Variants in MAN1A2 observed in about 807,000 individuals in gnomAD.
MAN1A2 encodes the protein mannosyl-oligosaccharide 1,2-alpha-mannosidase IB.
In MAN1A2, 26 loss-of-function variants were observed where a neutral mutation model predicts 75.7. The ratio of observed to expected loss-of-function variants is 0.34; its 90% CI spans 0.25 to 0.48. The LOEUF (loss-of-function observed/expected upper bound fraction) is 0.48. MAN1A2 is among the 20% of genes least tolerant of loss of function. MAN1A2 has a pLI of 0.99. For synonymous variants in MAN1A2, 247 were observed against 264.6 expected, an observed-to-expected ratio of 0.93 and a Z score of 0.65; for missense variants, 562 against 775.5, an observed-to-expected ratio of 0.72 and a Z score of 3.27.
chr1:117,403,547 A>T (rs1647511607), intron 2 of MAN1A2, among the ~76,000 whole-genome samples: 1 of 152,156 alleles, frequency 6.6e-6, no homozygotes, highest in South Asian at 2.1e-4. Flanking sequence ...CCCCCAGATG[A>T]TCCTCAGGTT....
chr1:117,471,118 C>G (rs1650140414), intron 8 of MAN1A2, among the ~76,000 whole-genome samples: 1 of 151,432 alleles, frequency 6.6e-6, no homozygotes, highest in Admixed American at 6.6e-5. Flanking sequence ...TATAGGAAAT[C>G]AGTCATTACT....
intron 1 of MAN1A2, among the ~76,000 whole-genome samples, chr1:117,398,388 A>C (rs1220526467): frequency 6.6e-6 from 1 of 152,094 alleles, no homozygotes; most frequent in Non-Finnish European, 1.5e-5. Flanking sequence ...AACTGAAAGA[A>C]GGTGGCTGGG....
rs1652043390 is a variant in MAN1A2, at chr1:117,526,888, A to ATATATATATATATATG, written c.*3946_*3947insGTATATATATATATAT. 8.7e-6 allele frequency: 1 copy of ATATATATATATATATG among 115,532 alleles called. No homozygotes were observed. Among genetic ancestry groups the ATATATATATATATATG allele is most frequent in the Admixed American group, 8.9e-5 (1 of 11,228 alleles). 7.2% of individuals were successfully genotyped at this position (115,532 alleles called of 1,614,324 possible). A position where few individuals can be genotyped will look rare whatever the true frequency, so the allele number is the denominator to read the frequency against. On this transcript the variant is annotated 3_prime_UTR_variant, in exon 13 of 13. Transcript: ENST00000356554. ...TCTCTCTCTCTCTCTCTCTATATATATATATATATATATATATATATGAGA... is the reference window on the plus strand; with the variant it reads ...TCTCTCTCTCTCTCTCTCTATATATATATATATATATATATGTATATATATATATATATATATGAGA...
chr1:117,506,567 A>G (rs1651379372), intron 12 of MAN1A2, among the ~76,000 whole-genome samples: 2 of 151,694 alleles, frequency 1.3e-5, no homozygotes, highest in African/African-American at 4.8e-5. Flanking sequence ...CAAAGGTTCT[A>G]AAACTCTTAT....
chr1:117,518,385 A>T (rs756020306), intron 12 of MAN1A2, among the ~76,000 whole-genome samples: 19 of 152,078 alleles, frequency 1.2e-4, no homozygotes, highest in Non-Finnish European at 2.4e-4. Context: ...ACAGAAAGGG[A>T]TGTAGTATAT....
At chr1:117,496,490 A>G (rs1260359122) in intron 9 of MAN1A2, among the ~76,000 whole-genome samples, 2 of 152,002 alleles carry the variant, frequency 1.3e-5, no homozygotes, top group Non-Finnish European at 2.9e-5. Context: ...GAAGTAAGGG[A>G]CTAAAGATAA....
In MAN1A2 at chr1:117,396,033, G is replaced by T. The variant is rs565341813; in HGVS notation, c.303-6153G>T. 1.8e-4 allele frequency among the ~76,000 whole-genome samples: 28 copies of T among 152,310 alleles called. No homozygotes were observed. In the South Asian group the frequency reaches 5.6e-3, roughly 30 times the overall value. On this transcript the variant is annotated intron_variant, in intron 1 of 12. Transcript: ENST00000356554. ...CCAATGTGTGACAGTATGCATGATT[G>T]CCAACCTGGTAACCTCATCCAAGCT...
At chr1:117,514,856 CCTA>C in intron 12 of MAN1A2, 1 of 532,864 alleles carries the variant, frequency 1.9e-6, no homozygotes, top group Non-Finnish European at 3.9e-6. Context: ...AAGTTAGCCT[CCTA>C]CCATGAGAGA....
intron 1 of MAN1A2, among the ~76,000 whole-genome samples, chr1:117,401,324 C>T (rs1308006575): frequency 6.6e-6 from 1 of 152,050 alleles, no homozygotes; most frequent in Non-Finnish European, 1.5e-5. Context: ...ATAAGTTCAG[C>T]CATCTGCAGA....
At chr1:117,519,226 C>T (rs537164185) in intron 12 of MAN1A2, among the ~76,000 whole-genome samples, 14 of 152,128 alleles carry the variant, frequency 9.2e-5, no homozygotes, top group East Asian at 5.8e-4. Context: ...ATGCCTACGT[C>T]AGAAAGACCG....
intron 5 of MAN1A2, among the ~76,000 whole-genome samples, chr1:117,437,211 A>G (rs1648877374): frequency 6.6e-6 from 1 of 152,254 alleles, no homozygotes; most frequent in Non-Finnish European, 1.5e-5. Context: ...AATATTTGGA[A>G]GAAGTCTCAG....
chr1:117,517,724 A>T (rs1265184286), intron 12 of MAN1A2, among the ~76,000 whole-genome samples: 1 of 152,072 alleles, frequency 6.6e-6, no homozygotes, highest in African/African-American at 2.4e-5. Context: ...ACCCCCAAAA[A>T]AACCCTTTTT....
chr1:117,445,512 T>C (rs1278076017), intron 6 of MAN1A2, among the ~76,000 whole-genome samples: 1 of 152,056 alleles, frequency 6.6e-6, no homozygotes, highest in African/African-American at 2.4e-5. Context: ...CAAATTAAAA[T>C]TTGTGTGTGT....
Position 117,523,199 on chromosome 1 carries a change from A to G in MAN1A2, c.*242A>G, listed in dbSNP as rs1240820194. The G allele has an allele frequency of 4.8e-6, 3 of 629,110 alleles. No individual in the cohort carries two copies. Among genetic ancestry groups the G allele is most frequent in the East Asian group, 3.4e-5 (1 of 29,392 alleles). The allele number at this position is 629,110 out of a possible 1,614,324, so 39.0% of individuals were successfully genotyped here. A position where few individuals can be genotyped will look rare whatever the true frequency, so the allele number is the denominator to read the frequency against. ...AGACCTGGATGTGCTTTGATCGTTA[A>G]TGAGGTGGTCACATGAGAAATGATA... On this transcript the variant is annotated 3_prime_UTR_variant, in exon 13 of 13. Coordinates refer to ENST00000356554, the MANE Select transcript of MAN1A2 (RefSeq NM_006699.5).
intron 4 of MAN1A2, among the ~76,000 whole-genome samples, chr1:117,418,143 C>T (rs1238368547): frequency 6.6e-6 from 1 of 152,098 alleles, no homozygotes; most frequent in Non-Finnish European, 1.5e-5. Flanking sequence ...ATATTTTAAA[C>T]TTCCAAATTA....
chr1:117,492,979 G>A (rs970138526), intron 8 of MAN1A2, among the ~76,000 whole-genome samples, 168 bp from the exon 9 acceptor site: 8 of 152,064 alleles, frequency 5.3e-5, no homozygotes, highest in African/African-American at 1.9e-4. Context: ...AAGTGATTAT[G>A]TGTGATTACT....
chr1:117,497,083 C>T, intron 10 of MAN1A2, 101 bp downstream of exon 10: 1 of 850,342 alleles, frequency 1.2e-6, no homozygotes, highest in South Asian at 1.9e-5. Flanking sequence ...TTTTTACTTC[C>T]AAATAGTTTA....
chr1:117,384,854 T>A (rs1452828514), intron 1 of MAN1A2, among the ~76,000 whole-genome samples: 2 of 152,202 alleles, frequency 1.3e-5, no homozygotes, highest in African/African-American at 4.8e-5. Flanking sequence ...AAGTTTTGCT[T>A]TAGTGCTTCC....
In MAN1A2 at chr1:117,425,961, T is replaced by G. The variant is rs549455094; in HGVS notation, c.855+5312T>G. ...TGATTTTTCAGGTTTTTCAGGTATT[T>G]TATTCCTTCTGTGGAAACAGCTTCC... On this transcript the variant is annotated intron_variant, in intron 5 of 12. Transcript: ENST00000356554. 3.3e-5 allele frequency among the ~76,000 whole-genome samples: 5 copies of G among 152,306 alleles called. 1 individual carries two copies. In the South Asian group the frequency reaches 1.0e-3, roughly 32 times the overall value.
Sources: allele counts gnomAD v4.1 joint callset (sites outside exome capture counted in the v4.1 genomes callset), GRCh38; gene constraint gnomAD v4.1.1; transcripts MANE v1.5; gene names NCBI Gene and HGNC (gene_info 2026-07-23, HGNC 2026-07-21).